RBFOX1: variants seen among roughly 807,000 people sequenced by gnomAD.
The protein encoded by RBFOX1 is RNA binding fox-1 homolog 1, also known as RNA binding protein fox-1 homolog 1.
A neutral mutation model predicts 57.7 loss-of-function variants in RBFOX1; 8 were observed. The observed-to-expected ratio is 0.14, with a 90% CI of 0.08 to 0.25. The LOEUF (loss-of-function observed/expected upper bound fraction) is 0.25. Ranked by LOEUF, RBFOX1 falls within the 10% of genes least tolerant of loss-of-function variation. RBFOX1 has a pLI of 1.00. For missense variants in RBFOX1, 611 were observed against 548.5 expected (o/e 1.11, Z -1.14); for synonymous variants, 326 against 222.4 (o/e 1.47, Z -4.15).
intron 3 of RBFOX1, among the ~76,000 whole-genome samples, chr16:5,777,123 A>T (rs1183341387): frequency 6.6e-6 from 1 of 152,244 alleles, no homozygotes; most frequent in South Asian, 2.1e-4. Context: ...ACACAAATTT[A>T]TTACCTTACA....
chr16:6,236,743 G>C (rs1206570615), intron 1 of RBFOX1, among the ~76,000 whole-genome samples: 1 of 152,114 alleles, frequency 6.6e-6, no homozygotes, highest in African/African-American at 2.4e-5. Context: ...GAGCCACCAC[G>C]TCTGGCCTTA....
rs889539532 is a variant in RBFOX1, at chr16:7,037,228, C to CTTT, written c.-15-14803_-15-14801dup. Among the ~76,000 whole-genome samples the CTTT allele has an allele frequency of 5.5e-4, 44 of 80,552 alleles. 3 individuals are homozygous for CTTT. The highest frequency in any genetic ancestry group is 1.6e-3 in the African/African-American group (24 of 14,826). The allele number at this position is 80,552 out of a possible 152,430, so 52.8% of individuals were successfully genotyped here. A position where few individuals can be genotyped will look rare whatever the true frequency, so the allele number is the denominator to read the frequency against. ...AATGCAGCCCAGTAGGTCTTAGCCTCTTTTTTTTTTTTTTTTTTTTTTTTT... is the reference window on the plus strand; with the variant it reads ...AATGCAGCCCAGTAGGTCTTAGCCTCTTTTTTTTTTTTTTTTTTTTTTTTTTTT... On this transcript the variant is annotated intron_variant, in intron 3 of 15. Coordinates refer to ENST00000550418, the MANE Select transcript of RBFOX1 (RefSeq NM_018723.4).
chr16:6,400,191 A>G (rs1441300326), intron 2 of RBFOX1, among the ~76,000 whole-genome samples: 1 of 152,234 alleles, frequency 6.6e-6, no homozygotes. Flanking sequence ...CCCTCAAAGT[A>G]GACTACATGT....
intron 1 of RBFOX1, among the ~76,000 whole-genome samples, chr16:5,272,177 A>G (rs1479508044): frequency 2.0e-5 from 3 of 152,328 alleles, no homozygotes; most frequent in Non-Finnish European, 1.5e-5. Context: ...GACTATAGTC[A>G]ATAATAAAGT....
At chr16:5,529,995 T>G (rs79750192) in intron 2 of RBFOX1, among the ~76,000 whole-genome samples, 6,236 of 151,730 alleles carry the variant, frequency 0.041, 441 homozygotes, top group African/African-American at 0.14. Context: ...ACACAACAGA[T>G]TCTTCCTCAC....
chr16:6,043,765 T>G (rs1392160352), intron 1 of RBFOX1, among the ~76,000 whole-genome samples: 1 of 152,112 alleles, frequency 6.6e-6, no homozygotes. Context: ...GCCCTTTGAT[T>G]GTCAGCTGAG....
intron 4 of RBFOX1, among the ~76,000 whole-genome samples, chr16:5,888,952 C>T (rs937322557): frequency 6.6e-6 from 1 of 152,106 alleles, no homozygotes; most frequent in East Asian, 1.9e-4. Flanking sequence ...TCTCTTCATC[C>T]TCTGCTGTGG....
intron 3 of RBFOX1, among the ~76,000 whole-genome samples, chr16:6,757,674 C>T (rs897103918): frequency 6.6e-6 from 1 of 152,008 alleles, no homozygotes. Context: ...TGAGGGGAGG[C>T]TGATTAATAA....
rs534104089 is a variant in RBFOX1 at position 5,598,854 on chromosome 16, C to G, written c.259-48C>G. 12 of 1,403,868 alleles carry G rather than the reference C, an allele frequency of 8.5e-6. No homozygotes were observed. In the African/African-American group the frequency reaches 1.5e-4, roughly 17 times the overall value. 87.0% of individuals were successfully genotyped at this position (1,403,868 alleles called of 1,614,324 possible). A position where few individuals can be genotyped will look rare whatever the true frequency, so the allele number is the denominator to read the frequency against. ...TACTCAAGGTTAGAATTTTTTTCCT[C>G]AACCCGGCTTCCCCAACCTTTTTCT... On this transcript the variant is annotated intron_variant, in intron 2 of 2. Coordinates refer to the RBFOX1 transcript ENST00000585867.
At chr16:5,399,166 T>G (rs2066645352) in intron 1 of RBFOX1, among the ~76,000 whole-genome samples, 1 of 152,208 alleles carries the variant, frequency 6.6e-6, no homozygotes, top group African/African-American at 2.4e-5. Flanking sequence ...TTTCCTTATC[T>G]GTAAAATGCG....
intron 3 of RBFOX1, among the ~76,000 whole-genome samples, chr16:5,783,350 AC>A (rs2054389828): frequency 6.6e-6 from 1 of 152,164 alleles, no homozygotes; most frequent in Non-Finnish European, 1.5e-5. Context: ...ATCTGTGGTA[AC>A]CATGTTTTGA....
intron 3 of RBFOX1, among the ~76,000 whole-genome samples, chr16:6,743,447 C>G (rs567730708): frequency 2.0e-5 from 3 of 152,058 alleles, no homozygotes; most frequent in Non-Finnish European, 4.4e-5. Context: ...TATAAAGACA[C>G]AAATATGTTG....
rs1396096804 is a variant in RBFOX1, at chr16:6,414,738, A to G, written c.-64+97681A>G. On this transcript the variant is annotated intron_variant, in intron 2 of 15. Coordinates refer to ENST00000550418, the MANE Select transcript of RBFOX1 (RefSeq NM_018723.4). The stretch of plus-strand genomic sequence containing the variant: ...TACAGTCTCTCTTCAAAACCACTCT[A>G]CAAAGCAGGGATTCTTACCCAGGGT... Among the ~76,000 whole-genome samples the G allele has an allele frequency of 5.3e-5, 8 of 152,276 alleles. No homozygotes were observed. The South Asian group carries it at 1.7e-3, about 32-fold the overall frequency.
At chr16:5,690,126 C>A (rs1187832114) in intron 3 of RBFOX1, among the ~76,000 whole-genome samples, 1 of 152,152 alleles carries the variant, frequency 6.6e-6, no homozygotes, top group Non-Finnish European at 1.5e-5. Context: ...TTAAGACGCC[C>A]CGGTTGGTTT....
At position 6,591,576 on chromosome 16, in the gene RBFOX1, C is replaced by T. The variant is rs146956705; in HGVS notation, c.-63-63027C>T. Among the ~76,000 whole-genome samples the T allele has an allele frequency of 1.1e-3, 164 of 152,308 alleles. 1 individual carries two copies. Among genetic ancestry groups the T allele is most frequent in the African/African-American group, 3.8e-3 (160 of 41,566 alleles). The stretch of plus-strand genomic sequence containing the variant: ...GAGCTGGGAGAGGAGACCATTTATG[C>T]ACTGGGAGTGACCCAGTCATTTTTG... On this transcript the variant is annotated intron_variant, in intron 2 of 15. Coordinates refer to ENST00000550418, the MANE Select transcript of RBFOX1 (RefSeq NM_018723.4).
chr16:7,434,482 A>C (rs886480846), intron 4 of RBFOX1, among the ~76,000 whole-genome samples: 1 of 151,936 alleles, frequency 6.6e-6, no homozygotes, highest in African/African-American at 2.4e-5. Context: ...GTTAAAATAA[A>C]TAAATAAATA....
upstream of RBFOX1, among the ~76,000 whole-genome samples, chr16:6,014,964 C>T (rs1212285229): frequency 1.3e-5 from 2 of 151,860 alleles, no homozygotes; most frequent in African/African-American, 4.8e-5. Context: ...TAAGCAATCC[C>T]CCCACCTCAG....
At chr16:7,528,030 G>A (rs994127850) in intron 5 of RBFOX1, among the ~76,000 whole-genome samples, 3 of 152,170 alleles carry the variant, frequency 2.0e-5, no homozygotes, top group African/African-American at 4.8e-5. Context: ...AGTACAAGCT[G>A]TTCTTGGTCT....
chr16:6,417,296 C>CCCGGCTGAATTTTCAT (rs2093650117), intron 2 of RBFOX1, among the ~76,000 whole-genome samples: 2 of 152,126 alleles, frequency 1.3e-5, no homozygotes, highest in Non-Finnish European at 2.9e-5. Flanking sequence ...AGGCGTGAGC[C>CCCGGCTGAATTTTCAT]ACCATGCCCG....
Sources: allele counts gnomAD v4.1 joint callset (sites outside exome capture counted in the v4.1 genomes callset), GRCh38; gene constraint gnomAD v4.1.1; transcripts MANE v1.5; gene names NCBI Gene and HGNC (gene_info 2026-07-23, HGNC 2026-07-21).